Variants in MOK observed in about 807,000 individuals in gnomAD.
MOK encodes the protein MOK protein kinase.
A neutral mutation model predicts 54.2 loss-of-function variants in MOK; 59 were observed. The ratio of observed to expected loss-of-function variants is 1.09; its 90% CI spans 0.88 to 1.35. The LOEUF is 1.35. Ranked by LOEUF, MOK falls within the 40% of genes most tolerant of loss-of-function variation. The probability of loss-of-function intolerance (pLI) is 0.00; values close to 1 mark genes in which losing one functional copy is unlikely to be tolerated. For synonymous variants in MOK, 210 were observed against 202.7 expected (o/e 1.04, Z -0.31); for missense variants, 517 against 526.2 (o/e 0.98, Z 0.17).
At chr14:102,281,333 A>G (rs543925978) in intron 2 of MOK, among the ~76,000 whole-genome samples, 23 of 151,698 alleles carry the variant, frequency 1.5e-4, no homozygotes, top group Admixed American at 2.6e-4. Context: ...CAAAAAAAAA[A>G]AAAAATTACA....
At chr14:102,215,790 GT>G in the MOK span, among the ~76,000 whole-genome samples, 7 of 152,208 alleles carry the variant, frequency 4.6e-5, no homozygotes, top group African/African-American at 1.7e-4. Context: ...ACACAGGGCA[GT>G]GGGGGACGTT....
In MOK at chr14:102,231,886, G is replaced by T; in HGVS notation, c.867-65C>A. The T allele has an allele frequency of 7.3e-7, 1 of 1,364,828 alleles. No individual in the cohort carries two copies. Among genetic ancestry groups the T allele is most frequent in the Non-Finnish European group, 1.0e-6 (1 of 973,684 alleles). 84.5% of individuals were successfully genotyped at this position (1,364,828 alleles called of 1,614,324 possible). On this transcript the variant is annotated intron_variant, in intron 9 of 11. Transcript: ENST00000361847. The surrounding 1 kb of genome is among the most constrained non-coding windows in gnomAD (Gnocchi z 4.4). ...AGCCCGCAGAGCACACGGCCTACTG[G>T]CTTCTTTGTCTCCAATTTGTCTACT...
Position 102,229,381 on chromosome 14 carries a change from T to C in MOK, c.1183-15A>G, listed in dbSNP as rs1322720286. 6.2e-7 allele frequency: 1 copy of C among 1,614,104 alleles called. No individual in the cohort carries two copies. Among genetic ancestry groups the C allele is most frequent in the Admixed American group, 1.7e-5 (1 of 60,012 alleles). On this transcript the variant is annotated splice_polypyrimidine_tract_variant and intron_variant, in intron 11 of 11. Transcript: ENST00000361847. Reference sequence around the variant, plus strand: ...TGCGGATCTGTCTGTCAAAGAAAAATTACAGACACAAAATTCAGTGGCGGC... The same window carrying C: ...TGCGGATCTGTCTGTCAAAGAAAAACTACAGACACAAAATTCAGTGGCGGC...
intron 8 of MOK, chr14:102,233,181 C>T (rs930999675): frequency 1.3e-5 from 2 of 155,816 alleles, no homozygotes; most frequent in African/African-American, 4.8e-5. Flanking sequence ...CACCTTCTCC[C>T]TCCCTGGGAT....
At chr14:102,304,215 T>A (rs1170348666) in intron 1 of MOK, among the ~76,000 whole-genome samples, 1 of 152,152 alleles carries the variant, frequency 6.6e-6, no homozygotes, top group Non-Finnish European at 1.5e-5. Flanking sequence ...ACAGCAAAGG[T>A]CTGAATTTTT....
intron 4 of MOK, among the ~76,000 whole-genome samples, chr14:102,259,970 G>A (rs1406884847): frequency 5.9e-5 from 9 of 152,236 alleles, no homozygotes; most frequent in Admixed American, 4.6e-4. Flanking sequence ...CTGAGGTCGG[G>A]AGTTCAAGAC....
chr14:102,265,013 A>G (rs1319466014), intron 3 of MOK, among the ~76,000 whole-genome samples: 1 of 152,238 alleles, frequency 6.6e-6, no homozygotes, highest in Admixed American at 6.5e-5. Flanking sequence ...GCAGGCACCG[A>G]GGGACAAGCT....
At chr14:102,264,959 A>G (rs746790132) in intron 3 of MOK, among the ~76,000 whole-genome samples, 23 of 152,202 alleles carry the variant, frequency 1.5e-4, no homozygotes, top group Admixed American at 5.9e-4. Flanking sequence ...TGAGGTCTGT[A>G]AGCACAGCAC....
downstream of MOK, among the ~76,000 whole-genome samples, chr14:102,219,557 G>C (rs138763568): frequency 6.6e-6 from 1 of 152,346 alleles, no homozygotes; most frequent in South Asian, 2.1e-4. Flanking sequence ...TTGGGCCTTC[G>C]CTTCGCCTTC....
In MOK at chr14:102,305,155, G is replaced by C; in HGVS notation, c.-187C>G. On this transcript the variant is annotated 5_prime_UTR_variant, in exon 1 of 12. Transcript: ENST00000361847. ...TTGTGTCCCTGTCACCCTAGCAACC[G>C]TCAGGCCCTGAACGCCATGAGCTGT... 1 of 712,068 alleles carries C rather than the reference G, an allele frequency of 1.4e-6. No individual in the cohort carries two copies. Among genetic ancestry groups the C allele is most frequent in the South Asian group, 1.7e-5 (1 of 58,102 alleles). The allele number at this position is 712,068 out of a possible 1,614,324, so 44.1% of individuals were successfully genotyped here.
intron 1 of MOK, among the ~76,000 whole-genome samples, chr14:102,293,496 C>T (rs540885859): frequency 5.8e-4 from 87 of 150,942 alleles, no homozygotes; most frequent in Middle Eastern, 3.4e-3. Flanking sequence ...GTCAGGAGTT[C>T]GAGACCAGCA....
intron 2 of MOK, among the ~76,000 whole-genome samples, chr14:102,276,890 C>A (rs941864320): frequency 1.3e-5 from 2 of 151,960 alleles, no homozygotes; most frequent in South Asian, 4.1e-4. Context: ...GCTCTGTCAC[C>A]TAGGCTGGAG....
chr14:102,224,208 A>G (rs1458805970), downstream of MOK, among the ~76,000 whole-genome samples: 1 of 151,628 alleles, frequency 6.6e-6, no homozygotes, highest in Admixed American at 6.6e-5. Flanking sequence ...CGCCCGGCTA[A>G]TTTTTGTATT....
intron 1 of MOK, among the ~76,000 whole-genome samples, chr14:102,298,624 G>T (rs962889805): frequency 6.7e-6 from 1 of 148,658 alleles, no homozygotes; most frequent in Non-Finnish European, 1.5e-5. Flanking sequence ...CAGACCAATT[G>T]GCTCTCTGTA....
At chr14:102,252,242 A>G (rs2066591222) in intron 4 of MOK, among the ~76,000 whole-genome samples, 1 of 152,012 alleles carries the variant, frequency 6.6e-6, no homozygotes, top group Non-Finnish European at 1.5e-5. Flanking sequence ...AGGTGGGTGG[A>G]TCAGGAGTTT....
At chr14:102,270,598 CA>C (rs112965763) in intron 2 of MOK, among the ~76,000 whole-genome samples, 44 of 130,826 alleles carry the variant, frequency 3.4e-4, no homozygotes, top group African/African-American at 3.4e-4. Flanking sequence ...GACTCCATCT[CA>C]AAAAAAAAAA....
chr14:102,226,609 G>A (rs751512150), downstream of MOK, among the ~76,000 whole-genome samples: 7 of 152,136 alleles, frequency 4.6e-5, no homozygotes, highest in Admixed American at 6.5e-5. This position sits in a 1 kb window ranked among gnomAD's most constrained non-coding sequence, Gnocchi z 4.8. Flanking sequence ...GGGCCCAGAC[G>A]GACACAGGGA....
downstream of MOK, among the ~76,000 whole-genome samples, chr14:102,221,594 A>C (rs2063906139): frequency 6.6e-6 from 1 of 152,184 alleles, no homozygotes; most frequent in Non-Finnish European, 1.5e-5. This position sits in a 1 kb window ranked among gnomAD's most constrained non-coding sequence, Gnocchi z 4.8. Context: ...GACTCTGAGC[A>C]GGGGCAGCTG....
chr14:102,294,055 T>G (rs1424006201), intron 1 of MOK, among the ~76,000 whole-genome samples: 1 of 152,116 alleles, frequency 6.6e-6, no homozygotes, highest in African/African-American at 2.4e-5. Flanking sequence ...ATCCCAGCAC[T>G]CTGGGAGGCT....
Sources: allele counts gnomAD v4.1 joint callset (sites outside exome capture counted in the v4.1 genomes callset), GRCh38; gene constraint gnomAD v4.1.1; non-coding constraint Gnocchi (gnomAD v3.1); transcripts MANE v1.5; gene names NCBI Gene and HGNC (gene_info 2026-07-23, HGNC 2026-07-21).